The following SLFN11 variants were observed in gnomAD, a reference collection of about 807,000 sequenced individuals.
The protein encoded by SLFN11 is schlafen family member 11.
In SLFN11, 43 loss-of-function variants were observed where a neutral mutation model predicts 53.4. The ratio of observed to expected loss-of-function variants is 0.80; its 90% CI spans 0.63 to 1.04. The LOEUF (loss-of-function observed/expected upper bound fraction) is 1.04, where lower values mean the gene tolerates loss of function less well. Among genes scored for constraint, SLFN11 ranks in the 50% least tolerant of loss-of-function variants. SLFN11 has a pLI of 0.00. For synonymous variants in SLFN11, 389 were observed against 394.7 expected, an observed-to-expected ratio of 0.99 and a Z score of 0.17; for missense variants, 990 against 1,079.1, an observed-to-expected ratio of 0.92 and a Z score of 1.16.
chr17:35,366,019 G>A (rs1159176134), intron 3 of SLFN11, among the ~76,000 whole-genome samples: 1 of 152,048 alleles, frequency 6.6e-6, no homozygotes, highest in Non-Finnish European at 1.5e-5. Context: ...CTCAGAGGTG[G>A]GTGGGACATA....
chr17:35,354,115 A>T, intron 5 of SLFN11, 56 bp from the exon 6 acceptor site: 1 of 1,436,930 alleles, frequency 7.0e-7, no homozygotes, highest in Non-Finnish European at 9.2e-7. Flanking sequence ...ATTGATTAAG[A>T]TGACTAATTA....
chr17:35,353,189 G>A, intron 6 of SLFN11, 50 bp from the exon 7 acceptor site: 11 of 1,594,094 alleles, frequency 6.9e-6, no homozygotes, highest in Non-Finnish European at 9.4e-6. Flanking sequence ...AAAACAAGGG[G>A]AGAAAATAAT....
At chr17:35,372,814 G>A (rs12941857) in intron 1 of SLFN11, among the ~76,000 whole-genome samples, 5,526 of 151,928 alleles carry the variant, frequency 0.036, 317 homozygotes, top group African/African-American at 0.13. Context: ...AGAAAAGAAA[G>A]GGAAATGGGC....
intron 1 of SLFN11, among the ~76,000 whole-genome samples, chr17:35,370,510 A>G (rs986603055): frequency 6.6e-6 from 1 of 152,128 alleles, no homozygotes; most frequent in Admixed American, 6.5e-5. Flanking sequence ...AAGGGCATCT[A>G]AATTGGAAAG....
Position 35,360,280 on chromosome 17 carries a change from C to A in SLFN11, c.1161G>T (p.Leu387=). Residue 387 remains leucine, a synonymous_variant, in exon 5 of 7, where the codon CTG becomes CTT. Transcript: ENST00000685675. ...GTTGCTGGAGTTCCTTTTTATGTTC[C>A]AGGCCTTTCTTGGAGTACACTGGTC... is the stretch of plus-strand genomic sequence containing the variant. ...LSRPVYSKKG[L]EHKKELQQLL... is the part of the protein sequence containing the mutation. 1 of 1,609,634 alleles carries A rather than the reference C, an allele frequency of 6.2e-7. No individual in the cohort carries two copies. Among genetic ancestry groups the A allele is most frequent in the Non-Finnish European group, 8.5e-7 (1 of 1,178,682 alleles).
intron 1 of SLFN11, among the ~76,000 whole-genome samples, chr17:35,368,024 G>C (rs1329260080): frequency 1.3e-5 from 2 of 152,068 alleles, no homozygotes; most frequent in African/African-American, 2.4e-5. Context: ...GGCTTACCTA[G>C]TTTGCTCAGC....
At chr17:35,372,526 T>C (rs1909817002) in intron 1 of SLFN11, among the ~76,000 whole-genome samples, 1 of 152,126 alleles carries the variant, frequency 6.6e-6, no homozygotes, top group Admixed American at 6.5e-5. Context: ...ATGGTGTGCT[T>C]ATTTCACATT....
intron 5 of SLFN11, among the ~76,000 whole-genome samples, chr17:35,356,388 T>C (rs1470809878): frequency 6.6e-6 from 1 of 152,096 alleles, no homozygotes; most frequent in Non-Finnish European, 1.5e-5. Flanking sequence ...TATATTCCTA[T>C]ACCAAATACC....
At position 35,363,760 on chromosome 17, in the gene SLFN11, G is replaced by A. The variant is rs563663405; in HGVS notation, c.48C>T (p.Asp16=). The A allele has an allele frequency of 6.2e-7, 1 of 1,608,282 alleles. No individual in the cohort carries two copies. The highest frequency in any genetic ancestry group is 8.5e-7 in the Non-Finnish European group (1 of 1,177,564). ...CPLVVEPSYP[D]LVINVGEVTL... ...TCACTTCTCCTACATTGATGACCAG[G>A]TCTGGGTAAGATGGTTCCACAACCA... The change falls in exon 4 of 7, where the codon GAC becomes GAT. Residue 16 remains aspartate, a synonymous_variant. Coordinates refer to ENST00000685675, the MANE Select transcript of SLFN11 (RefSeq NM_001376007.1).
Position 35,353,980 on chromosome 17 carries a change from T to C in SLFN11, c.1278A>G (p.Leu426=), listed in dbSNP as rs1185180699. The C allele has an allele frequency of 6.2e-7, 1 of 1,614,068 alleles. No homozygotes were observed. The highest frequency in any genetic ancestry group is 1.7e-5 in the Admixed American group (1 of 60,022). Residue 426 remains leucine (L), a synonymous_variant, in exon 6 of 7, where the codon TTA becomes TTG. Coordinates refer to ENST00000685675, the MANE Select transcript of SLFN11 (RefSeq NM_001376007.1). ...LISEHRGLEE[L]INKQMQPFFR... The stretch of plus-strand genomic sequence containing the variant: ...AGAAAGGTTGCATTTGCTTATTTAT[T>C]AACTCCTCTAGTCCTCTGTGCTCTG...
rs766108180 is a variant in SLFN11, at chr17:35,360,369, G to C, written c.1072C>G (p.Leu358Val). Reference sequence around the variant, plus strand: ...TCAAAATCTTCAGACAACTGTAGAAGATCTTAAGAAAGAAAATTCATGTTA... The same window carrying C: ...TCAAAATCTTCAGACAACTGTAGAACATCTTAAGAAAGAAAATTCATGTTA... ...VGMMTDTDPD[L>V]LQLSEDFECQ... The change falls in exon 5 of 7, where the codon CTT becomes GTT. Residue 358 changes from leucine (L) to valine (V), a missense_variant and splice_region_variant. By Grantham distance (32) the Leu-to-Val change is conservative. Around this residue, in one of 3 missense-constraint regions of SLFN11, gnomAD observed 521 missense variants for 516.2 expected, o/e 1.01. Transcript: ENST00000685675. 2.4e-5 allele frequency: 39 copies of C among 1,597,542 alleles called. No homozygotes were observed. The Middle Eastern group carries it at 5.0e-4, about 20-fold the overall frequency.
chr17:35,353,725 C>G lies in SLFN11; in HGVS notation c.1533G>C (p.Arg511Ser), dbSNP rs527404230. ...CAGGACTCAGGCAGAGGACCTTGGC[C>G]CTGACACACACCTTCCCGGTGTAGC... ...MGGYTGKVCV[R>S]AKVLCLSPES... The change falls in exon 6 of 7, where the codon AGG becomes AGC. Residue 511 changes from arginine to serine, a missense_variant. Coordinates refer to ENST00000685675, the MANE Select transcript of SLFN11 (RefSeq NM_001376007.1). 231 of 1,468,960 alleles carry G rather than the reference C, an allele frequency of 1.6e-4. 2 individuals are homozygous for G. The East Asian group carries it at 5.7e-3, about 36-fold the overall frequency. The allele number at this position is 1,468,960 out of a possible 1,614,324, so 91.0% of individuals were successfully genotyped here.
intron 1 of SLFN11, among the ~76,000 whole-genome samples, chr17:35,372,881 G>A (rs550170181): frequency 2.2e-4 from 34 of 152,174 alleles, no homozygotes; most frequent in African/African-American, 7.9e-4. Context: ...TCCTTCTGGG[G>A]TAGCACGTGT....
chr17:35,371,079 G>T (rs938909012), intron 1 of SLFN11, among the ~76,000 whole-genome samples: 15 of 152,022 alleles, frequency 9.9e-5, no homozygotes, highest in Admixed American at 2.0e-4. Context: ...ATACTACAGA[G>T]CTACAGGAAC....
At chr17:35,368,252 G>A (rs942975846) in intron 1 of SLFN11, among the ~76,000 whole-genome samples, 10 of 152,032 alleles carry the variant, frequency 6.6e-5, no homozygotes, top group African/African-American at 1.7e-4. Flanking sequence ...AGAACAAGAC[G>A]GTGTAATAGA....
Position 35,363,642 on chromosome 17 carries a change from A to G in SLFN11, c.166T>C (p.Ser56Pro). 1 of 1,613,834 alleles carries G rather than the reference A, an allele frequency of 6.2e-7. No individual in the cohort carries two copies. Among genetic ancestry groups the G allele is most frequent in the Non-Finnish European group, 8.5e-7 (1 of 1,179,928 alleles). ...GCCATTCGAATCACTCCTCCTCCTG[A>G]GTTTAATAAAGCACATGCAGCCCGC... Reference protein sequence around the residue: ...VMRAACALLNSGGGVIRMAKK... With the variant: ...VMRAACALLNPGGGVIRMAKK... The change falls in exon 4 of 7, where the codon TCA becomes CCA. Residue 56 changes from serine to proline, a missense_variant. Ser to Pro is a moderately conservative substitution (Grantham distance 74). Transcript: ENST00000685675.
In SLFN11 at chr17:35,350,858, A is replaced by T. The variant is rs1229778630; in HGVS notation, c.*1498T>A. 5.3e-5 allele frequency: 8 copies of T among 152,248 alleles called. No homozygotes were observed. Among genetic ancestry groups the T allele is most frequent in the African/African-American group, 1.9e-4 (8 of 41,468 alleles). The allele number at this position is 152,248 out of a possible 1,614,324, so 9.4% of individuals were successfully genotyped here. A position where few individuals can be genotyped will look rare whatever the true frequency, so the allele number is the denominator to read the frequency against. The stretch of plus-strand genomic sequence containing the variant: ...ATTACCAATAAGTGAAATATTGGTC[A>T]TATGATTTCTTAGTTTCCATTAGTT... On this transcript the variant is annotated 3_prime_UTR_variant, in exon 7 of 7. Coordinates refer to ENST00000685675, the MANE Select transcript of SLFN11 (RefSeq NM_001376007.1).
At chr17:35,373,173 A>G (rs1048830501) in intron 1 of SLFN11, among the ~76,000 whole-genome samples, 3 of 151,834 alleles carry the variant, frequency 2.0e-5, no homozygotes, top group African/African-American at 4.8e-5. Context: ...CCCCGCAGAA[A>G]CCGCGGCTGG....
intron 5 of SLFN11, among the ~76,000 whole-genome samples, chr17:35,355,548 T>C (rs1041524918): frequency 1.3e-5 from 2 of 152,166 alleles, no homozygotes; most frequent in African/African-American, 2.4e-5. Flanking sequence ...TCCTGCCTGA[T>C]AAATGGTAAA....
Sources: allele counts gnomAD v4.1 joint callset (sites outside exome capture counted in the v4.1 genomes callset), GRCh38; gene constraint gnomAD v4.1.1; regional missense constraint gnomAD v4.1.1; transcripts MANE v1.5; gene names NCBI Gene and HGNC (gene_info 2026-07-23, HGNC 2026-07-21).